The following EPHA5 variants were observed in gnomAD, a reference collection of about 807,000 sequenced individuals.
EPHA5 encodes the protein EPH receptor A5.
Under a neutral mutation model 105.0 loss-of-function variants are expected in EPHA5, and 60 were observed. That is an observed-to-expected ratio of 0.57 (90% CI 0.46 to 0.71). The LOEUF (loss-of-function observed/expected upper bound fraction) is 0.71, where lower values mean the gene tolerates loss of function less well. Ranked by LOEUF, EPHA5 falls within the 30% of genes least tolerant of loss-of-function variation. EPHA5 has a pLI of 0.00. For missense variants in EPHA5, 1,218 were observed against 1,274.7 expected (o/e 0.96, Z 0.68); for synonymous variants, 513 against 449.1 (o/e 1.14, Z -1.80).
At chr4:65,442,377 A>T (rs1726104639) in intron 5 of EPHA5, among the ~76,000 whole-genome samples, 1 of 152,126 alleles carries the variant, frequency 6.6e-6, no homozygotes. Context: ...CAGTAAGAGA[A>T]CTCTCACCAA....
chr4:65,373,003 A>T (rs1356548340), intron 8 of EPHA5, among the ~76,000 whole-genome samples: 1 of 151,906 alleles, frequency 6.6e-6, no homozygotes, highest in African/African-American at 2.4e-5. Context: ...AATTGACAGA[A>T]TTTTGATATA....
chr4:65,515,848 C>A (rs758629838), intron 3 of EPHA5, among the ~76,000 whole-genome samples: 1 of 152,020 alleles, frequency 6.6e-6, no homozygotes, highest in African/African-American at 2.4e-5. Context: ...TGTGGCTAGA[C>A]GTCATCCAGT....
chr4:65,489,528 T>G (rs565039186), intron 5 of EPHA5, among the ~76,000 whole-genome samples: 3 of 152,298 alleles, frequency 2.0e-5, no homozygotes, highest in South Asian at 2.1e-4. Context: ...ACTTTTTGGC[T>G]TTAATGCCTT....
chr4:65,517,206 T>C (rs1734191655), intron 3 of EPHA5, among the ~76,000 whole-genome samples: 1 of 151,940 alleles, frequency 6.6e-6, no homozygotes, highest in African/African-American at 2.4e-5. Context: ...TTTATCACTT[T>C]GAAACATAAT....
At chr4:65,413,921 CAAAG>C (rs1486900569) in intron 7 of EPHA5, among the ~76,000 whole-genome samples, 1 of 152,168 alleles carries the variant, frequency 6.6e-6, no homozygotes, top group East Asian at 1.9e-4. Context: ...GTGGAATTTT[CAAAG>C]AAAGACTAAA....
intron 4 of EPHA5, 124 bp downstream of exon 4, chr4:65,495,264 A>C: frequency 3.5e-5 from 38 of 1,077,368 alleles, no homozygotes; most frequent in Non-Finnish European, 3.7e-5. Context: ...AAAACTGTAT[A>C]GAGATGATTA....
At chr4:65,596,371 T>C (rs780518217) in intron 3 of EPHA5, among the ~76,000 whole-genome samples, 1 of 152,072 alleles carries the variant, frequency 6.6e-6, no homozygotes, top group Non-Finnish European at 1.5e-5. Flanking sequence ...CTAAACAGTC[T>C]ACAGTGAACA....
chr4:65,398,851 T>C (rs1033124690), intron 8 of EPHA5, among the ~76,000 whole-genome samples: 1 of 152,078 alleles, frequency 6.6e-6, no homozygotes, highest in Admixed American at 6.6e-5. Flanking sequence ...CCACTTTGGG[T>C]CTCCTTAAAG....
chr4:65,403,443 TAA>T (rs1722049788), intron 8 of EPHA5, among the ~76,000 whole-genome samples: 1 of 152,064 alleles, frequency 6.6e-6, no homozygotes, highest in African/African-American at 2.4e-5. Flanking sequence ...AGACTTTCAT[TAA>T]GTTTTCTATA....
intron 7 of EPHA5, among the ~76,000 whole-genome samples, chr4:65,406,865 A>G (rs940210328): frequency 2.0e-5 from 3 of 152,016 alleles, no homozygotes; most frequent in African/African-American, 7.2e-5. Context: ...TCATTAATCA[A>G]ACAAAAAAAT....
Position 65,383,982 on chromosome 4 carries a change from G to A in EPHA5, c.1794-16558C>T, listed in dbSNP as rs111544755. Reference sequence around the variant, plus strand: ...TTTTTTTAAAAAGAAAATCTTGCATGTGTATGATGTGCATGTAAAAATTAA... The same window carrying A: ...TTTTTTTAAAAAGAAAATCTTGCATATGTATGATGTGCATGTAAAAATTAA... On this transcript the variant is annotated intron_variant, in intron 8 of 16. Transcript: ENST00000613740. Among the ~76,000 whole-genome samples the A allele has an allele frequency of 1.3e-3, 192 of 151,978 alleles. 2 individuals carry two copies. The highest frequency in any genetic ancestry group is 4.5e-3 in the African/African-American group (187 of 41,506).
chr4:65,594,704 A>G (rs1277421563), intron 3 of EPHA5, among the ~76,000 whole-genome samples: 1 of 152,182 alleles, frequency 6.6e-6, no homozygotes, highest in Admixed American at 6.5e-5. Flanking sequence ...ATATAGCAGA[A>G]GAGTCACTAG....
At chr4:65,468,694 T>A (rs188384700) in intron 5 of EPHA5, among the ~76,000 whole-genome samples, 1,851 of 138,900 alleles carry the variant, frequency 0.013, 39 homozygotes, top group Non-Finnish European at 0.02. Context: ...ATATATAAAA[T>A]ATATATATAT....
rs2149226580 is a variant in EPHA5, at chr4:65,495,518, G to A, written c.936C>T (p.Ala312=). The A allele has an allele frequency of 6.2e-7, 1 of 1,613,686 alleles. No homozygotes were observed. Among genetic ancestry groups the A allele is most frequent in the Admixed American group, 1.7e-5 (1 of 59,980 alleles). ...CQVCRPGFFK[A]SPHIQSCGKC... ...TGCCGCAGCTCTGGATGTGAGGTGA[G>A]GCTTTGAAGAACCCAGGTCTGCACA... Residue 312 remains alanine, a synonymous_variant, in exon 4 of 17, where the codon GCC becomes GCT. Transcript: ENST00000613740.
At chr4:65,662,394 T>C (rs1167448076) in intron 1 of EPHA5, among the ~76,000 whole-genome samples, 1 of 152,146 alleles carries the variant, frequency 6.6e-6, no homozygotes, top group East Asian at 1.9e-4. Flanking sequence ...GGCTAGTTTA[T>C]TTAGAACTGA....
chr4:65,461,761 G>T (rs1025918172), intron 5 of EPHA5, among the ~76,000 whole-genome samples: 1 of 151,772 alleles, frequency 6.6e-6, no homozygotes, highest in African/African-American at 2.4e-5. Context: ...CAAAAATGGG[G>T]CACATTTGAA....
intron 16 of EPHA5, among the ~76,000 whole-genome samples, chr4:65,327,678 G>C (rs779241959): frequency 3.3e-5 from 5 of 151,248 alleles, no homozygotes; most frequent in Non-Finnish European, 7.4e-5. Context: ...ATTTATGCAA[G>C]TTAAAATTGT....
chr4:65,567,753 A>G (rs1739702989), intron 3 of EPHA5, among the ~76,000 whole-genome samples: 2 of 151,656 alleles, frequency 1.3e-5, no homozygotes, highest in Middle Eastern at 3.4e-3. Flanking sequence ...CAAAATAGTG[A>G]AACTCAAAAT....
rs140095687 is a variant in EPHA5 at position 65,434,327 on chromosome 4, A to G, written c.1403-13762T>C. Among the ~76,000 whole-genome samples the G allele has an allele frequency of 7.2e-5, 11 of 152,244 alleles. No individual in the cohort carries two copies. In the East Asian group the frequency reaches 2.1e-3, roughly 30 times the overall value. On this transcript the variant is annotated intron_variant, in intron 5 of 16. Coordinates refer to ENST00000613740, the MANE Select transcript of EPHA5 (RefSeq NM_001281766.3). ...GGACATTTTTTTTAAGAAGAGCATC[A>G]TTATTCAGCCTACCACATCTACATA...
Sources: allele counts gnomAD v4.1 joint callset (sites outside exome capture counted in the v4.1 genomes callset), GRCh38; gene constraint gnomAD v4.1.1; transcripts MANE v1.5; gene names NCBI Gene and HGNC (gene_info 2026-07-23, HGNC 2026-07-21).